ANTXR2: variants seen among roughly 807,000 people sequenced by gnomAD.
The protein encoded by ANTXR2 is anthrax toxin receptor 2.
Under a neutral mutation model 73.7 loss-of-function variants are expected in ANTXR2, and 44 were observed. The ratio of observed to expected loss-of-function variants is 0.60; its 90% CI spans 0.47 to 0.77. The LOEUF (loss-of-function observed/expected upper bound fraction) is 0.77, where lower values mean the gene tolerates loss of function less well. Ranked by LOEUF, ANTXR2 falls within the 30% of genes least tolerant of loss-of-function variation. The pLI is 0.00. For synonymous variants in ANTXR2, 217 were observed against 205.9 expected, an observed-to-expected ratio of 1.05 and a Z score of -0.46; for missense variants, 604 against 592.5, an observed-to-expected ratio of 1.02 and a Z score of -0.20.
At position 80,016,074 on chromosome 4, in the gene ANTXR2, C is replaced by G. The variant is rs1041684555; in HGVS notation, c.945+2824G>C. Among the ~76,000 whole-genome samples the G allele has an allele frequency of 2.4e-4, 36 of 151,780 alleles. No homozygotes were observed. The East Asian group carries it at 7.0e-3, about 29-fold the overall frequency. On this transcript the variant is annotated intron_variant, in intron 11 of 16. Coordinates refer to ENST00000403729, the MANE Select transcript of ANTXR2 (RefSeq NM_058172.6). Reference sequence around the variant, plus strand: ...AGGATATTTTAAAATTAAAATAGGACAAAGAACAATTTTAAAATAAAAGAA... The same window carrying G: ...AGGATATTTTAAAATTAAAATAGGAGAAAGAACAATTTTAAAATAAAAGAA...
chr4:79,916,618 T>C (rs1193724694), intron 16 of ANTXR2, among the ~76,000 whole-genome samples: 1 of 152,126 alleles, frequency 6.6e-6, no homozygotes, highest in Non-Finnish European at 1.5e-5. Context: ...GTAGCATTAC[T>C]GGTGTTAACA....
chr4:79,989,251 A>C (rs1172732500), intron 12 of ANTXR2, among the ~76,000 whole-genome samples: 1 of 152,078 alleles, frequency 6.6e-6, no homozygotes, highest in Non-Finnish European at 1.5e-5. Flanking sequence ...CACTAACTAG[A>C]TTAATAAATA....
intron 16 of ANTXR2, among the ~76,000 whole-genome samples, chr4:79,973,654 C>T (rs1045572071): frequency 4.6e-5 from 7 of 152,148 alleles, no homozygotes; most frequent in Non-Finnish European, 8.8e-5. Flanking sequence ...GTCTCCAACT[C>T]CTGGCCTCAA....
At chr4:80,060,886 T>G (rs1734217901) in intron 3 of ANTXR2, among the ~76,000 whole-genome samples, 1 of 152,144 alleles carries the variant, frequency 6.6e-6, no homozygotes, top group Non-Finnish European at 1.5e-5. Context: ...CATGGCACTG[T>G]GCATTGAATG....
chr4:79,987,305 A>G (rs1002683881), intron 12 of ANTXR2, among the ~76,000 whole-genome samples: 2 of 152,084 alleles, frequency 1.3e-5, no homozygotes, highest in Non-Finnish European at 2.9e-5. Flanking sequence ...ACTTCCGGAA[A>G]TTAAAAATTT....
At chr4:80,071,979 A>G (rs6839672) in intron 1 of ANTXR2, among the ~76,000 whole-genome samples, 114,901 of 152,154 alleles carry the variant, frequency 0.76, 44,373 homozygotes, top group Middle Eastern at 0.88. Context: ...TGCAAACCAC[A>G]TTGGGCATGT....
chr4:79,922,001 T>C (rs181809100), intron 16 of ANTXR2, among the ~76,000 whole-genome samples: 24 of 152,166 alleles, frequency 1.6e-4, no homozygotes, highest in Admixed American at 1.4e-3. Context: ...TACAGATGTA[T>C]GATATAAAAT....
intron 16 of ANTXR2, among the ~76,000 whole-genome samples, chr4:79,926,752 A>G (rs145830349): frequency 1.8e-3 from 276 of 152,222 alleles, no homozygotes; most frequent in African/African-American, 6.1e-3. Context: ...GGGAATGTAT[A>G]GTAACTGCAC....
intron 16 of ANTXR2, among the ~76,000 whole-genome samples, chr4:79,908,641 T>C (rs774108282): frequency 6.6e-6 from 1 of 152,182 alleles, no homozygotes; most frequent in Non-Finnish European, 1.5e-5. Context: ...GAAGCAACAT[T>C]ATTACTACAA....
At chr4:80,046,243 C>T (rs1733510173) in intron 7 of ANTXR2, among the ~76,000 whole-genome samples, 1 of 151,730 alleles carries the variant, frequency 6.6e-6, no homozygotes, top group Non-Finnish European at 1.5e-5. Context: ...CCACATCTCA[C>T]AATTCTGATA....
In ANTXR2 at chr4:80,010,305, C is replaced by T. The variant is rs188460645; in HGVS notation, c.946-1689G>A. On this transcript the variant is annotated intron_variant, in intron 11 of 16. Coordinates refer to ENST00000403729, the MANE Select transcript of ANTXR2 (RefSeq NM_058172.6). The stretch of plus-strand genomic sequence containing the variant: ...TAACGGAAAAAGGATGTCATAGAAA[C>T]GCATGGAAAACTGTGGTACCCTATG... 1.1e-4 allele frequency among the ~76,000 whole-genome samples: 17 copies of T among 152,210 alleles called. No homozygotes were observed. The East Asian group carries it at 1.2e-3, about 10-fold the overall frequency.
At chr4:80,017,544 A>T (rs1731933234) in intron 11 of ANTXR2, among the ~76,000 whole-genome samples, 1 of 151,980 alleles carries the variant, frequency 6.6e-6, no homozygotes, top group Non-Finnish European at 1.5e-5. Context: ...ACCAACCTAT[A>T]CATCCCACAT....
intron 14 of ANTXR2, among the ~76,000 whole-genome samples, chr4:79,983,291 T>C (rs1729966063): frequency 6.6e-6 from 1 of 152,116 alleles, no homozygotes; most frequent in Non-Finnish European, 1.5e-5. Flanking sequence ...ATGGTGATAA[T>C]AAAATCTTAT....
At chr4:80,013,890 G>T (rs750119114) in intron 11 of ANTXR2, among the ~76,000 whole-genome samples, 4 of 152,124 alleles carry the variant, frequency 2.6e-5, no homozygotes, top group Non-Finnish European at 5.9e-5. Flanking sequence ...CTGAAAAATT[G>T]AATTGTAGTA....
At chr4:79,910,507 C>CAAAAAAAAAAAAAAAAAAAAA (rs144527286) in intron 16 of ANTXR2, among the ~76,000 whole-genome samples, 4 of 95,636 alleles carry the variant, frequency 4.2e-5, no homozygotes, top group Admixed American at 1.1e-4. Context: ...GACTCCGTCT[C>CAAAAAAAAAAAAAAAAAAAAA]AAAAAAAAAA....
At chr4:80,053,385 T>C (rs1733851353) in intron 7 of ANTXR2, among the ~76,000 whole-genome samples, 1 of 151,700 alleles carries the variant, frequency 6.6e-6, no homozygotes, top group Non-Finnish European at 1.5e-5. Context: ...GCTCCATTAA[T>C]TTTTTTAAAA....
intron 16 of ANTXR2, among the ~76,000 whole-genome samples, chr4:79,911,990 A>C (rs1316929759): frequency 6.6e-6 from 1 of 151,950 alleles, no homozygotes; most frequent in East Asian, 1.9e-4. Flanking sequence ...ACATTTAGTT[A>C]ATATAAAATT....
chr4:79,908,878 C>T (rs1727018330), intron 16 of ANTXR2, among the ~76,000 whole-genome samples: 1 of 152,042 alleles, frequency 6.6e-6, no homozygotes, highest in South Asian at 2.1e-4. Context: ...TCTAGATTAG[C>T]TAAGGGAGCT....
intron 16 of ANTXR2, among the ~76,000 whole-genome samples, chr4:79,932,062 T>A (rs1021426277): frequency 1.1e-4 from 17 of 152,334 alleles, no homozygotes; most frequent in Admixed American, 7.8e-4. Flanking sequence ...TGATTTTTTT[T>A]ATCTGCCTCT....
Sources: gnomAD v4.1 joint callset for allele counts (sites outside exome capture counted in the v4.1 genomes callset) on GRCh38, gnomAD v4.1.1 for gene constraint, MANE v1.5 for transcripts, NCBI Gene and HGNC (gene_info 2026-07-23, HGNC 2026-07-21) for gene names.